RCOR1: variants seen among roughly 807,000 people sequenced by gnomAD.
RCOR1 encodes REST corepressor.
In RCOR1, 12 loss-of-function variants were observed where a neutral mutation model predicts 64.0. That is an observed-to-expected ratio of 0.19 (90% CI 0.12 to 0.30). The LOEUF (loss-of-function observed/expected upper bound fraction) is 0.30, where lower values mean the gene tolerates loss of function less well. RCOR1 is among the 10% of genes least tolerant of loss of function. The probability of loss-of-function intolerance (pLI) is 1.00; values close to 1 mark genes in which losing one functional copy is unlikely to be tolerated. For synonymous variants in RCOR1, 279 were observed against 227.2 expected, an observed-to-expected ratio of 1.23 and a Z score of -2.05; for missense variants, 502 against 621.2, an observed-to-expected ratio of 0.81 and a Z score of 2.04.
chr14:102,711,678 T>TAA (rs1895961945), intron 7 of RCOR1, among the ~76,000 whole-genome samples: 6 of 152,186 alleles, frequency 3.9e-5, no homozygotes, highest in Admixed American at 2.0e-4. Context: ...GAGAGTTCTC[T>TAA]CTCTCTGCTC....
At chr14:102,696,065 G>T (rs1022719136) in intron 3 of RCOR1, among the ~76,000 whole-genome samples, 3 of 151,952 alleles carry the variant, frequency 2.0e-5, no homozygotes, top group African/African-American at 7.3e-5. Context: ...TATAGATGCC[G>T]AACCTTTAGG....
At chr14:102,695,328 G>A (rs1293304188) in intron 3 of RCOR1, 2 of 152,212 alleles carry the variant, frequency 1.3e-5, no homozygotes, top group Non-Finnish European at 2.9e-5. Flanking sequence ...CAAGGAGGCT[G>A]TTCTAATCTG....
chr14:102,597,417 C>T (rs1466027813), intron 2 of RCOR1, among the ~76,000 whole-genome samples: 1 of 151,792 alleles, frequency 6.6e-6, no homozygotes, highest in Non-Finnish European at 1.5e-5. Flanking sequence ...CAACCTCCAT[C>T]TCCTGGGTTC....
intron 2 of RCOR1, among the ~76,000 whole-genome samples, chr14:102,621,191 T>C (rs7153340): frequency 0.63 from 95,123 of 151,822 alleles, 30,886 homozygotes; most frequent in South Asian, 0.72. Context: ...AGGCTGGTCT[T>C]GAACTCCTGG....
Position 102,641,939 on chromosome 14 carries a change from T to C in RCOR1, c.362-39956T>C, listed in dbSNP as rs141635925. ...AACTTGTAGCTTCATAGGGAAATCATGGGAATTTGAGCAGCACTGAATCTG... is the reference window on the plus strand; with the variant it reads ...AACTTGTAGCTTCATAGGGAAATCACGGGAATTTGAGCAGCACTGAATCTG... On this transcript the variant is annotated intron_variant, in intron 2 of 11. Transcript: ENST00000262241. 3.8e-4 allele frequency among the ~76,000 whole-genome samples: 58 copies of C among 152,282 alleles called. No homozygotes were observed. The East Asian group carries it at 9.1e-3, about 24-fold the overall frequency.
At position 102,730,257 on chromosome 14, in the gene RCOR1, G is replaced by C. The variant is rs1595251060; in HGVS notation, c.*3751G>C. ...GATTTTAAAAGATGTATAAGGTTAA[G>C]TTTGCAAATATAATGGAAATGCTGT... On this transcript the variant is annotated 3_prime_UTR_variant, in exon 12 of 12. Coordinates refer to ENST00000262241, the MANE Select transcript of RCOR1 (RefSeq NM_015156.4). The C allele has an allele frequency of 2.7e-6, 1 of 369,338 alleles. No homozygotes were observed. Among genetic ancestry groups the C allele is most frequent in the African/African-American group, 2.1e-5 (1 of 48,170 alleles). 22.9% of individuals were successfully genotyped at this position (369,338 alleles called of 1,614,324 possible). A position where few individuals can be genotyped will look rare whatever the true frequency, so the allele number is the denominator to read the frequency against.
intron 7 of RCOR1, among the ~76,000 whole-genome samples, chr14:102,712,240 T>A (rs372142166): frequency 2.0e-5 from 3 of 152,196 alleles, no homozygotes; most frequent in African/African-American, 7.2e-5. Flanking sequence ...TGGAGTGCAG[T>A]AGTATGACCT....
At chr14:102,660,242 CAACTTTA>C (rs201335840) in intron 2 of RCOR1, among the ~76,000 whole-genome samples, 1,541 of 152,182 alleles carry the variant, frequency 0.01, 16 homozygotes, top group Admixed American at 0.015. Flanking sequence ...TATAGTAAAA[CAACTTTA>C]AGAATGTGAT....
intron 4 of RCOR1, among the ~76,000 whole-genome samples, chr14:102,707,118 TA>T (rs1216508401): frequency 2.0e-5 from 3 of 152,090 alleles, no homozygotes; most frequent in Admixed American, 6.5e-5. Flanking sequence ...ATACCTATAT[TA>T]AAAGACATTA....
At chr14:102,714,332 G>T in intron 7 of RCOR1, 91 bp from the exon 8 acceptor site, 2 of 794,070 alleles carry the variant, frequency 2.5e-6, no homozygotes, top group Non-Finnish European at 3.9e-6. Context: ...GTCTTAGATT[G>T]TTTTGGTGCC....
At chr14:102,708,036 G>A (rs1457976911) in intron 5 of RCOR1, among the ~76,000 whole-genome samples, 1 of 151,326 alleles carries the variant, frequency 6.6e-6, no homozygotes, top group Non-Finnish European at 1.5e-5. Context: ...CGCGATCTCG[G>A]CTCACTGAAA....
chr14:102,620,666 A>G (rs1050745792), intron 2 of RCOR1, among the ~76,000 whole-genome samples: 1 of 152,148 alleles, frequency 6.6e-6, no homozygotes, highest in East Asian at 1.9e-4. Flanking sequence ...AGGCTCAGTG[A>G]GCTCTGATTG....
chr14:102,658,094 C>T, intron 2 of RCOR1: 1 of 277,710 alleles, frequency 3.6e-6, no homozygotes, highest in Non-Finnish European at 5.5e-6. Context: ...CCTGCCTCAG[C>T]CTCCCAAGTA....
chr14:102,685,695 C>T (rs994076398), intron 3 of RCOR1, among the ~76,000 whole-genome samples: 3 of 152,114 alleles, frequency 2.0e-5, no homozygotes, highest in Admixed American at 1.3e-4. Flanking sequence ...AGTGCGGTGT[C>T]TCACCCCTGT....
chr14:102,687,762 T>G (rs1391973949), intron 3 of RCOR1, among the ~76,000 whole-genome samples: 1 of 152,192 alleles, frequency 6.6e-6, no homozygotes, highest in Non-Finnish European at 1.5e-5. Context: ...ATATGATTTT[T>G]ACATCAAGCA....
intron 2 of RCOR1, among the ~76,000 whole-genome samples, chr14:102,596,156 C>CAATG (rs1235814899): frequency 6.6e-6 from 1 of 151,448 alleles, no homozygotes; most frequent in East Asian, 1.9e-4. Context: ...CGCTGGAGTG[C>CAATG]AATGGCGTGA....
At chr14:102,658,625 C>T in intron 2 of RCOR1, 1 of 985,426 alleles carries the variant, frequency 1.0e-6, no homozygotes, top group Non-Finnish European at 1.2e-6. Context: ...TATCAGACCC[C>T]TCACTTGGGT....
At chr14:102,671,536 C>T (rs1346288654) in intron 2 of RCOR1, among the ~76,000 whole-genome samples, 1 of 152,158 alleles carries the variant, frequency 6.6e-6, no homozygotes, top group Admixed American at 6.5e-5. Context: ...GCTGGGACTA[C>T]AGGTGCTTAC....
chr14:102,658,642 T>G (rs2139937698), intron 2 of RCOR1: 2 of 985,056 alleles, frequency 2.0e-6, no homozygotes, highest in South Asian at 9.4e-5. Context: ...GGGTTCCTCT[T>G]ACATCACCAA....
Sources: gnomAD v4.1 joint callset for allele counts (sites outside exome capture counted in the v4.1 genomes callset) on GRCh38, gnomAD v4.1.1 for gene constraint, MANE v1.5 for transcripts, NCBI Gene and HGNC (gene_info 2026-07-23, HGNC 2026-07-21) for gene names.